Variants in CPA6 observed in about 807,000 individuals in gnomAD.
CPA6 encodes carboxypeptidase B.
In CPA6, 58 loss-of-function variants were observed where a neutral mutation model predicts 63.3. That is an observed-to-expected ratio of 0.92 (90% CI 0.74 to 1.14). The LOEUF is 1.14. Ranked by LOEUF, CPA6 falls within the 50% of genes most tolerant of loss-of-function variation. The probability of loss-of-function intolerance (pLI) is 0.00; values close to 1 mark genes in which losing one functional copy is unlikely to be tolerated. For synonymous variants in CPA6, 185 were observed against 179.0 expected, an observed-to-expected ratio of 1.03 and a Z score of -0.27; for missense variants, 565 against 526.6, an observed-to-expected ratio of 1.07 and a Z score of -0.71.
intron 6 of CPA6, among the ~76,000 whole-genome samples, chr8:67,492,006 T>A (rs1811616745): frequency 6.6e-6 from 1 of 152,198 alleles, no homozygotes; most frequent in East Asian, 1.9e-4. Flanking sequence ...GTGATAAATC[T>A]ACAAGGTAAT....
intron 8 of CPA6, among the ~76,000 whole-genome samples, chr8:67,474,846 G>A (rs958121965): frequency 1.3e-5 from 2 of 152,042 alleles, no homozygotes; most frequent in Admixed American, 6.6e-5. Flanking sequence ...AGGTATGATG[G>A]CTCACACTGG....
chr8:67,710,990 C>A lies in CPA6; in HGVS notation c.116+35024G>T, dbSNP rs143465776. 2.0e-5 allele frequency among the ~76,000 whole-genome samples: 3 copies of A among 152,068 alleles called. No homozygotes were observed. In the East Asian group the frequency reaches 5.8e-4, roughly 29 times the overall value. ...CTCCATAGTATATACTTTTCGTAGCCCAGACCACAGAGATTCCCATCTTTG... is the reference window on the plus strand; with the variant it reads ...CTCCATAGTATATACTTTTCGTAGCACAGACCACAGAGATTCCCATCTTTG... On this transcript the variant is annotated intron_variant, in intron 1 of 10. Transcript: ENST00000297770.
intron 2 of CPA6, among the ~76,000 whole-genome samples, chr8:67,558,450 A>G (rs1342661860): frequency 6.6e-6 from 1 of 152,212 alleles, no homozygotes. Context: ...GTATTTATTG[A>G]ACAAACAATA....
At chr8:67,634,179 AATTATTATTATTATT>A (rs36123716) in intron 1 of CPA6, among the ~76,000 whole-genome samples, 6,979 of 139,888 alleles carry the variant, frequency 0.05, 329 homozygotes, top group South Asian at 0.11. Flanking sequence ...CACTGGATTT[AATTATTATTATTATT>A]ATTATTATTA....
chr8:67,593,777 G>A (rs1041234558), intron 2 of CPA6, among the ~76,000 whole-genome samples: 2 of 147,352 alleles, frequency 1.4e-5, no homozygotes, highest in African/African-American at 5.0e-5. Context: ...GCCTATGTGT[G>A]TCTGCACGTG....
chr8:67,693,429 C>G (rs1221890834), intron 1 of CPA6, among the ~76,000 whole-genome samples: 2 of 152,188 alleles, frequency 1.3e-5, no homozygotes, highest in Non-Finnish European at 2.9e-5. Context: ...GGAGAAGAGG[C>G]TGGTACATTG....
In CPA6 at chr8:67,551,019, T is replaced by C. The variant is rs184358587; in HGVS notation, c.193-32972A>G. 1.0e-3 allele frequency among the ~76,000 whole-genome samples: 157 copies of C among 152,328 alleles called. 1 individual carries two copies. The Middle Eastern group carries it at 0.014, about 13-fold the overall frequency. ...ACTCTGTTGATAGTTTCTTTTGCTGTGCAGGAGCTCTTTATTTAGGTTCCA... is the reference window on the plus strand; with the variant it reads ...ACTCTGTTGATAGTTTCTTTTGCTGCGCAGGAGCTCTTTATTTAGGTTCCA... On this transcript the variant is annotated intron_variant, in intron 2 of 10. Coordinates refer to ENST00000297770, the MANE Select transcript of CPA6 (RefSeq NM_020361.5).
intron 1 of CPA6, among the ~76,000 whole-genome samples, chr8:67,709,881 C>T (rs1817217709): frequency 1.3e-5 from 2 of 152,046 alleles, no homozygotes; most frequent in South Asian, 2.1e-4. Context: ...GAGGCTGAGG[C>T]AGGTGGATTA....
chr8:67,508,335 G>C (rs566877134), intron 5 of CPA6, among the ~76,000 whole-genome samples: 59 of 152,206 alleles, frequency 3.9e-4, no homozygotes, highest in Non-Finnish European at 8.2e-4. Flanking sequence ...CCATGTTTCT[G>C]AATTGGGAGG....
At chr8:67,502,426 G>T (rs1222147353) in intron 6 of CPA6, among the ~76,000 whole-genome samples, 1 of 152,150 alleles carries the variant, frequency 6.6e-6, no homozygotes, top group Non-Finnish European at 1.5e-5. Flanking sequence ...TCATGCTACT[G>T]CACTCCAGTC....
chr8:67,651,829 T>C (rs1015041827), intron 1 of CPA6, among the ~76,000 whole-genome samples: 1 of 152,082 alleles, frequency 6.6e-6, no homozygotes, highest in African/African-American at 2.4e-5. Context: ...GCCATGTTGG[T>C]GTGCTGCACC....
intron 1 of CPA6, among the ~76,000 whole-genome samples, chr8:67,674,811 T>C (rs1816433101): frequency 6.6e-6 from 1 of 152,038 alleles, no homozygotes; most frequent in Non-Finnish European, 1.5e-5. Context: ...GAAAATGTGG[T>C]ACATATACAC....
intron 10 of CPA6, 152 bp downstream of exon 10, chr8:67,427,895 A>C: frequency 1.7e-6 from 1 of 576,614 alleles, no homozygotes; most frequent in Non-Finnish European, 3.1e-6. Context: ...AAAACGAATC[A>C]GATATAAACT....
chr8:67,481,359 A>G (rs1334819259), intron 8 of CPA6, among the ~76,000 whole-genome samples: 1 of 152,188 alleles, frequency 6.6e-6, no homozygotes, highest in East Asian at 1.9e-4. Context: ...AGTTCCTACC[A>G]CTACTCTGAC....
chr8:67,500,938 A>G (rs917522919), intron 6 of CPA6, among the ~76,000 whole-genome samples: 2 of 152,008 alleles, frequency 1.3e-5, no homozygotes, highest in East Asian at 3.9e-4. Context: ...TCTTTCACCA[A>G]TACCACACAC....
chr8:67,453,197 G>A (rs1810593132), intron 8 of CPA6, among the ~76,000 whole-genome samples: 1 of 152,118 alleles, frequency 6.6e-6, no homozygotes, highest in African/African-American at 2.4e-5. Context: ...AGAGATGATG[G>A]TAACTTAGAC....
intron 8 of CPA6, among the ~76,000 whole-genome samples, chr8:67,461,767 G>A (rs140389685): frequency 0.11 from 16,158 of 151,284 alleles, 789 homozygotes; most frequent in East Asian, 0.22. Flanking sequence ...AGGGGCGGCC[G>A]GGCAGAGGCG....
In CPA6 at chr8:67,634,216, ATTATTT is replaced by A. The variant is rs1443316324; in HGVS notation, c.117-9971_117-9966del. 1.4e-3 allele frequency among the ~76,000 whole-genome samples: 134 copies of A among 94,272 alleles called. 3 individuals are homozygous for A. The highest frequency in any genetic ancestry group is 5.3e-3 in the African/African-American group (121 of 23,002). 61.8% of individuals were successfully genotyped at this position (94,272 alleles called of 152,430 possible). ...TATTATTATTATTATTATTATTATT[ATTATTT>A]ATTTGTTTTTTTTTTGAGACGGAGT... is the stretch of plus-strand genomic sequence containing the variant. On this transcript the variant is annotated intron_variant, in intron 1 of 10. Coordinates refer to ENST00000297770, the MANE Select transcript of CPA6 (RefSeq NM_020361.5).
chr8:67,588,638 A>G (rs888642125), intron 2 of CPA6, among the ~76,000 whole-genome samples: 1 of 152,168 alleles, frequency 6.6e-6, no homozygotes, highest in African/African-American at 2.4e-5. Context: ...AAAAATAGCT[A>G]TATCTTTTTT....
Sources: allele counts gnomAD v4.1 joint callset (sites outside exome capture counted in the v4.1 genomes callset), GRCh38; gene constraint gnomAD v4.1.1; transcripts MANE v1.5; gene names NCBI Gene and HGNC (gene_info 2026-07-23, HGNC 2026-07-21).